Variants in BABAM2 observed in about 807,000 individuals in gnomAD.
BABAM2 encodes BRISC and BRCA1-A complex member 2.
A neutral mutation model predicts 54.7 loss-of-function variants in BABAM2; 31 were observed. The observed-to-expected ratio is 0.57, with a 90% CI of 0.43 to 0.77. The LOEUF is 0.77. Among genes scored for constraint, BABAM2 ranks in the 30% least tolerant of loss-of-function variants. The pLI is 0.00. For missense variants in BABAM2, 364 were observed against 455.8 expected (o/e 0.80, Z 1.83); for synonymous variants, 167 against 162.9 (o/e 1.03, Z -0.19).
intron 3 of BABAM2, among the ~76,000 whole-genome samples, chr2:27,970,569 A>G (rs957356056): frequency 6.6e-6 from 1 of 152,192 alleles, no homozygotes; most frequent in South Asian, 2.1e-4. Context: ...ACTTCACTAC[A>G]TATCTCCCAA....
intron 7 of BABAM2, among the ~76,000 whole-genome samples, chr2:28,235,480 A>G (rs1178962658): frequency 6.6e-6 from 1 of 151,858 alleles, no homozygotes; most frequent in Non-Finnish European, 1.5e-5. Flanking sequence ...CAGCCCCACA[A>G]AATTTATTTT....
At chr2:28,007,996 T>C (rs971445510) in intron 4 of BABAM2, among the ~76,000 whole-genome samples, 5 of 152,116 alleles carry the variant, frequency 3.3e-5, no homozygotes, top group African/African-American at 9.7e-5. Flanking sequence ...ATGAATTGAA[T>C]AGTAGTGATC....
chr2:28,151,356 C>T (rs928844428), intron 7 of BABAM2, among the ~76,000 whole-genome samples: 5 of 151,982 alleles, frequency 3.3e-5, no homozygotes, highest in Non-Finnish European at 5.9e-5. Flanking sequence ...GTGGATCACC[C>T]GAGGTCAGGA....
chr2:27,996,167 A>G (rs1222410544), intron 4 of BABAM2, among the ~76,000 whole-genome samples: 1 of 152,204 alleles, frequency 6.6e-6, no homozygotes, highest in African/African-American at 2.4e-5. Context: ...AGTGAATGTC[A>G]GACATTCCAG....
At chr2:27,971,121 T>C (rs1039266770) in intron 3 of BABAM2, among the ~76,000 whole-genome samples, 1 of 152,156 alleles carries the variant, frequency 6.6e-6, no homozygotes, top group Non-Finnish European at 1.5e-5. Context: ...TCAATTATAA[T>C]GAATTAGTGA....
At chr2:28,042,209 G>T (rs1324024509) in intron 5 of BABAM2, among the ~76,000 whole-genome samples, 2 of 152,104 alleles carry the variant, frequency 1.3e-5, no homozygotes, top group African/African-American at 4.8e-5. Context: ...ACAAAATCAG[G>T]AATTTAGTTT....
intron 3 of BABAM2, among the ~76,000 whole-genome samples, chr2:27,987,039 A>G (rs1433734055): frequency 6.6e-6 from 1 of 152,192 alleles, no homozygotes; most frequent in African/African-American, 2.4e-5. Context: ...AACAAAAGTA[A>G]TACTTCCATT....
intron 6 of BABAM2, among the ~76,000 whole-genome samples, chr2:28,106,222 C>G (rs188851547): frequency 6.6e-6 from 1 of 152,008 alleles, no homozygotes; most frequent in East Asian, 1.9e-4. Context: ...ATTCAAATTT[C>G]ACTTATATTG....
At chr2:28,100,329 G>A (rs750157490) in intron 6 of BABAM2, among the ~76,000 whole-genome samples, 33 of 151,836 alleles carry the variant, frequency 2.2e-4, no homozygotes, top group South Asian at 4.2e-4. Context: ...GTGTGGTGGC[G>A]CGTGCCTGTA....
At chr2:28,126,781 T>C (rs1213102886) in intron 6 of BABAM2, among the ~76,000 whole-genome samples, 2 of 149,642 alleles carry the variant, frequency 1.3e-5, no homozygotes, top group African/African-American at 5.0e-5. Flanking sequence ...GTGTTCCTAT[T>C]TCTCCACATC....
At chr2:27,948,255 T>C (rs1314228748) in intron 3 of BABAM2, among the ~76,000 whole-genome samples, 1 of 152,146 alleles carries the variant, frequency 6.6e-6, no homozygotes, top group Non-Finnish European at 1.5e-5. Flanking sequence ...ATTGCTGATA[T>C]ATAGAGATAC....
At chr2:28,273,513 G>A (rs977712694) in intron 10 of BABAM2, among the ~76,000 whole-genome samples, 3 of 152,200 alleles carry the variant, frequency 2.0e-5, no homozygotes, top group African/African-American at 7.2e-5. Flanking sequence ...GAGGTCAGGA[G>A]TTCGAGACCA....
intron 5 of BABAM2, among the ~76,000 whole-genome samples, chr2:28,026,843 AATATATATTTATATATATAG>A (rs1675764548): frequency 2.5e-5 from 1 of 40,650 alleles, no homozygotes; most frequent in Non-Finnish European, 4.7e-5. Context: ...AATATATATA[AATATATATTTATATATATAG>A]ATATATATAT....
intron 10 of BABAM2, among the ~76,000 whole-genome samples, chr2:28,280,884 G>A (rs1013549011): frequency 6.6e-6 from 1 of 152,122 alleles, no homozygotes; most frequent in Admixed American, 6.6e-5. Context: ...AGGCGGGGGG[G>A]CAGTGAGAGC....
At chr2:28,048,195 C>T (rs1677741226) in intron 6 of BABAM2, among the ~76,000 whole-genome samples, 1 of 152,150 alleles carries the variant, frequency 6.6e-6, no homozygotes, top group Non-Finnish European at 1.5e-5. Context: ...AGACTGCATA[C>T]CCTATTGATT....
At chr2:28,212,788 TG>T (rs1679586827) in intron 7 of BABAM2, among the ~76,000 whole-genome samples, 1 of 152,222 alleles carries the variant, frequency 6.6e-6, no homozygotes, top group Non-Finnish European at 1.5e-5. Context: ...CACTTAACAA[TG>T]TTATTGACAA....
At chr2:28,251,224 T>G (rs943633015) in intron 10 of BABAM2, among the ~76,000 whole-genome samples, 2 of 152,246 alleles carry the variant, frequency 1.3e-5, no homozygotes, top group African/African-American at 4.8e-5. Context: ...ATTTTGTTTT[T>G]CAGAGAACAC....
At chr2:28,258,622 T>TTTTTTTTTTTTTTTTTTTTC (rs1558479010) in intron 10 of BABAM2, among the ~76,000 whole-genome samples, 1 of 136,244 alleles carries the variant, frequency 7.3e-6, no homozygotes. Context: ...TTTCTTTTTT[T>TTTTTTTTTTTTTTTTTTTTC]TTTTTTTTTG....
intron 6 of BABAM2, among the ~76,000 whole-genome samples, chr2:28,126,913 A>G (rs1455369972): frequency 6.8e-5 from 10 of 146,818 alleles, no homozygotes; most frequent in South Asian, 4.5e-4. Flanking sequence ...GCATTTTTTC[A>G]TGTGTTTTTT....
Sources: allele counts gnomAD v4.1 joint callset (sites outside exome capture counted in the v4.1 genomes callset), GRCh38; gene constraint gnomAD v4.1.1; transcripts MANE v1.5; gene names NCBI Gene and HGNC (gene_info 2026-07-23, HGNC 2026-07-21).